Variants in ANTXR2 observed in about 807,000 individuals in gnomAD.
The protein encoded by ANTXR2 is ANTXR cell adhesion molecule 2.
Under a neutral mutation model 73.7 loss-of-function variants are expected in ANTXR2, and 44 were observed. That is an observed-to-expected ratio of 0.60 (90% CI 0.47 to 0.77). The LOEUF (loss-of-function observed/expected upper bound fraction) is 0.77. Among genes scored for constraint, ANTXR2 ranks in the 30% least tolerant of loss-of-function variants. The pLI is 0.00. For synonymous variants in ANTXR2, 217 were observed against 205.9 expected, an observed-to-expected ratio of 1.05 and a Z score of -0.46; for missense variants, 604 against 592.5, an observed-to-expected ratio of 1.02 and a Z score of -0.20.
intron 16 of ANTXR2, among the ~76,000 whole-genome samples, chr4:79,910,128 T>A (rs1452890365): frequency 6.6e-6 from 1 of 152,202 alleles, no homozygotes; most frequent in Non-Finnish European, 1.5e-5. Context: ...AAAATGGGCC[T>A]ATTCTTAAGG....
Position 80,056,026 on chromosome 4 carries a change from T to A in ANTXR2, c.297-13A>T, listed in dbSNP as rs1733980508. 2 of 1,518,136 alleles carry A rather than the reference T, an allele frequency of 1.3e-6. No individual in the cohort carries two copies. The highest frequency in any genetic ancestry group is 1.8e-6 in the Non-Finnish European group (2 of 1,131,786). 94.0% of individuals were successfully genotyped at this position (1,518,136 alleles called of 1,614,324 possible). A position where few individuals can be genotyped will look rare whatever the true frequency, so the allele number is the denominator to read the frequency against. On this transcript the variant is annotated splice_polypyrimidine_tract_variant and intron_variant, in intron 3 of 16. Coordinates refer to ENST00000403729, the MANE Select transcript of ANTXR2 (RefSeq NM_058172.6). ...ACTGATTTTGCCTCTGAAAATAATATTAAACAAAAGAAAAAATGAGCAAAG... is the reference window on the plus strand; with the variant it reads ...ACTGATTTTGCCTCTGAAAATAATAATAAACAAAAGAAAAAATGAGCAAAG...
chr4:80,000,885 A>T lies in ANTXR2; in HGVS notation c.1041+7636T>A, dbSNP rs924337446. Among the ~76,000 whole-genome samples the T allele has an allele frequency of 1.1e-4, 16 of 152,174 alleles. 1 individual carries two copies. The South Asian group carries it at 2.1e-3, about 20-fold the overall frequency. On this transcript the variant is annotated intron_variant, in intron 12 of 16. Transcript: ENST00000403729. ...AGAGGTTCAATAGTTCAATATCTGA[A>T]TATGAATGAAACTGTGCTGGCTCCT...
At chr4:79,995,257 G>A (rs1344456917) in intron 12 of ANTXR2, among the ~76,000 whole-genome samples, 3 of 151,874 alleles carry the variant, frequency 2.0e-5, no homozygotes, top group Admixed American at 6.6e-5. Flanking sequence ...CTAATAAAGT[G>A]CTCTGCACAC....
chr4:79,909,224 AAT>A (rs778583218), intron 16 of ANTXR2, among the ~76,000 whole-genome samples: 1 of 152,200 alleles, frequency 6.6e-6, no homozygotes, highest in Non-Finnish European at 1.5e-5. Context: ...ACCAAAAAGT[AAT>A]AGTTTTCTCT....
intron 16 of ANTXR2, among the ~76,000 whole-genome samples, chr4:79,934,228 CT>C (rs1360429436): frequency 7.9e-5 from 12 of 152,112 alleles, no homozygotes; most frequent in African/African-American, 7.2e-5. Flanking sequence ...TGTAGGTTGT[CT>C]TTTAAAACCA....
chr4:79,932,121 C>T (rs979778315), intron 16 of ANTXR2, among the ~76,000 whole-genome samples: 4 of 152,078 alleles, frequency 2.6e-5, no homozygotes, highest in Non-Finnish European at 4.4e-5. Flanking sequence ...ATATCTTGTT[C>T]ACTGATCTCT....
At chr4:79,915,858 C>CTATATATATATATATA (rs1248612325) in intron 16 of ANTXR2, among the ~76,000 whole-genome samples, 14 of 117,634 alleles carry the variant, frequency 1.2e-4, no homozygotes, top group African/African-American at 4.2e-4. Context: ...CTCTCTCTCT[C>CTATATATATATATATA]TCTCTATATA....
chr4:80,040,763 TAC>T (rs67089731), intron 7 of ANTXR2, among the ~76,000 whole-genome samples: 112,878 of 150,116 alleles, frequency 0.75, 42,539 homozygotes, highest in East Asian at 0.93. Flanking sequence ...CACACACACA[TAC>T]ACACACACAC....
In ANTXR2 at chr4:80,008,576, A is replaced by T; in HGVS notation, c.986T>A (p.Leu329Gln). 1 of 1,607,322 alleles carries T rather than the reference A, an allele frequency of 6.2e-7. No individual in the cohort carries two copies. Among genetic ancestry groups the T allele is most frequent in the South Asian group, 1.1e-5 (1 of 89,258 alleles). ...CATCAAACCGATCCCCAGGAGTAGCAGTAACACCAAAATAACAATGATGGC... is the reference window on the plus strand; with the variant it reads ...CATCAAACCGATCCCCAGGAGTAGCTGTAACACCAAAATAACAATGATGGC... Reference protein sequence around the residue: ...IAAIIVILVLLLLLGIGLMWW... With the variant: ...IAAIIVILVLQLLLGIGLMWW... Residue 329 changes from leucine (L) to glutamine (Q), a missense_variant, in exon 12 of 17, where the codon CTG (leucine) becomes CAG (glutamine). Coordinates refer to ENST00000403729, the MANE Select transcript of ANTXR2 (RefSeq NM_058172.6).
At chr4:80,049,810 C>T (rs1295979858) in intron 7 of ANTXR2, among the ~76,000 whole-genome samples, 1 of 151,694 alleles carries the variant, frequency 6.6e-6, no homozygotes, top group Admixed American at 6.6e-5. Context: ...TTAATGCTTC[C>T]CAAATTTAAC....
intron 12 of ANTXR2, among the ~76,000 whole-genome samples, chr4:80,004,796 T>C (rs1731225778): frequency 6.6e-6 from 1 of 152,134 alleles, no homozygotes; most frequent in Non-Finnish European, 1.5e-5. Context: ...GGGATCTTTA[T>C]TCACTTTATT....
At chr4:80,000,212 T>G (rs1299537471) in intron 12 of ANTXR2, among the ~76,000 whole-genome samples, 2 of 152,026 alleles carry the variant, frequency 1.3e-5, no homozygotes, top group African/African-American at 2.4e-5. Context: ...GTATCTTAGT[T>G]CCTACTAAAA....
In ANTXR2 at chr4:80,072,675, C is replaced by T. The variant is rs1378646576; in HGVS notation, c.-115G>A. On this transcript the variant is annotated 5_prime_UTR_variant, in exon 1 of 17. Coordinates refer to ENST00000403729, the MANE Select transcript of ANTXR2 (RefSeq NM_058172.6). The stretch of plus-strand genomic sequence containing the variant: ...CTCTGGGGTGGGGGGCGGCGAGCAG[C>T]TGAGACGCCGGCGCCTGCGGCAGCG... 2.2e-6 allele frequency: 3 copies of T among 1,338,558 alleles called. No homozygotes were observed. Among genetic ancestry groups the T allele is most frequent in the Non-Finnish European group, 2.9e-6 (3 of 1,048,766 alleles). 82.9% of individuals were successfully genotyped at this position (1,338,558 alleles called of 1,614,324 possible).
intron 16 of ANTXR2, among the ~76,000 whole-genome samples, chr4:79,950,150 C>T (rs1451477248): frequency 6.6e-6 from 1 of 152,108 alleles, no homozygotes; most frequent in Non-Finnish European, 1.5e-5. Context: ...ACTGAATCAT[C>T]AATCCTAAAA....
chr4:80,011,710 C>G (rs1467032046), intron 11 of ANTXR2, among the ~76,000 whole-genome samples: 1 of 152,108 alleles, frequency 6.6e-6, no homozygotes, highest in Non-Finnish European at 1.5e-5. Context: ...CTGTAGTGTT[C>G]CACATTTCCC....
intron 16 of ANTXR2, among the ~76,000 whole-genome samples, chr4:79,932,282 G>A (rs1368565865): frequency 1.3e-5 from 2 of 151,546 alleles, no homozygotes; most frequent in Admixed American, 1.3e-4. Flanking sequence ...TTATCCTGAA[G>A]ATTATATTTT....
At chr4:79,977,128 T>C (rs1729668449) in intron 16 of ANTXR2, among the ~76,000 whole-genome samples, 1 of 152,230 alleles carries the variant, frequency 6.6e-6, no homozygotes, top group Non-Finnish European at 1.5e-5. Context: ...TATCACAGAT[T>C]TTTATAATGC....
intron 3 of ANTXR2, among the ~76,000 whole-genome samples, chr4:80,067,268 T>C (rs1734548324): frequency 6.6e-6 from 1 of 152,020 alleles, no homozygotes; most frequent in Non-Finnish European, 1.5e-5. Flanking sequence ...TCTCCCCTAT[T>C]AGATTCAACC....
intron 7 of ANTXR2, among the ~76,000 whole-genome samples, chr4:80,053,799 G>C (rs1162369908): frequency 6.6e-6 from 1 of 151,700 alleles, no homozygotes; most frequent in Non-Finnish European, 1.5e-5. Flanking sequence ...ATGTGCTCTA[G>C]TGAAACTATT....
Sources: gnomAD v4.1 joint callset for allele counts (sites outside exome capture counted in the v4.1 genomes callset) on GRCh38, gnomAD v4.1.1 for gene constraint, MANE v1.5 for transcripts, NCBI Gene and HGNC (gene_info 2026-07-23, HGNC 2026-07-21) for gene names.